Variants in PRPF3 observed in about 807,000 individuals in gnomAD.
PRPF3 encodes pre-mRNA processing factor 3.
Under a neutral mutation model 89.2 loss-of-function variants are expected in PRPF3, and 3 were observed. The observed-to-expected ratio is 0.03, with a 90% CI of 0.02 to 0.09. The LOEUF (loss-of-function observed/expected upper bound fraction) is 0.09. PRPF3 is among the 10% of genes least tolerant of loss of function. The pLI, the probability that PRPF3 is intolerant of heterozygous loss-of-function variation, is 1.00. For synonymous variants in PRPF3, 270 were observed against 289.1 expected (o/e 0.93, Z 0.67); for missense variants, 463 against 828.8 (o/e 0.56, Z 5.42).
chr1:150,331,349 A>AT (rs1295164226), intron 4 of PRPF3, among the ~76,000 whole-genome samples: 1 of 143,932 alleles, frequency 6.9e-6, no homozygotes, highest in Non-Finnish European at 1.5e-5. Context: ...GTAATTTTTA[A>AT]TTTTTTTATT....
rs781788315 is a variant in PRPF3 at position 150,322,717 on chromosome 1, T to C, written c.-49+1125T>C. ...TAGACTCTAGTATAGAGGCTAAACT[T>C]ACCAAGAATGTAGAAGTTAATCAGA... On this transcript the variant is annotated intron_variant, in intron 1 of 15. Coordinates refer to ENST00000324862, the MANE Select transcript of PRPF3 (RefSeq NM_004698.4). 1.2e-4 allele frequency among the ~76,000 whole-genome samples: 19 copies of C among 152,308 alleles called. 1 individual carries two copies. Among genetic ancestry groups the C allele is most frequent in the African/African-American group, 4.3e-4 (18 of 41,568 alleles).
chr1:150,344,527 G>A lies in PRPF3; in HGVS notation c.1620G>A (p.Gly540=), dbSNP rs1658087813. 1 of 1,613,812 alleles carries A rather than the reference G, an allele frequency of 6.2e-7. No individual in the cohort carries two copies. The highest frequency in any genetic ancestry group is 1.3e-5 in the African/African-American group (1 of 74,858). The change falls in exon 12 of 16, where the codon GGG becomes GGA. Residue 540 remains glycine, a synonymous_variant. Transcript: ENST00000324862. ...IKKLKEDISQ[G]VHISVYRVRN... The stretch of plus-strand genomic sequence containing the variant: ...AGCTTAAAGAAGACATTTCACAGGG[G>A]GTACACATATCTGTATATAGGTAGG...
chr1:150,337,046 T>TTTTC, intron 7 of PRPF3, among the ~76,000 whole-genome samples: 1 of 145,428 alleles, frequency 6.9e-6, no homozygotes, highest in East Asian at 2.0e-4. Context: ...ATTCCTTTTT[T>TTTTC]TTTTTTTTTT....
chr1:150,338,376 G>GTT (rs1177176700), intron 8 of PRPF3, 50 bp downstream of exon 8: 1 of 1,554,556 alleles, frequency 6.4e-7, no homozygotes, highest in African/African-American at 1.4e-5. Context: ...AATCAGCTGA[G>GTT]TTTAAGACTC....
chr1:150,334,796 T>C, intron 6 of PRPF3, 139 bp from the exon 7 acceptor site: 2 of 1,001,784 alleles, frequency 2.0e-6, no homozygotes, highest in East Asian at 2.6e-5. Context: ...CTTTAACTCC[T>C]GGGCTCAAGT....
At chr1:150,327,735 A>G (rs1388222597) in intron 3 of PRPF3, 21 of 600,658 alleles carry the variant, frequency 3.5e-5, no homozygotes, top group Admixed American at 6.3e-5. Flanking sequence ...ATTAGTCATC[A>G]TATTTGAGTT....
rs1553872881 is a variant in PRPF3, at chr1:150,346,120, G to T, written c.1743G>T (p.Val581=). The T allele has an allele frequency of 6.2e-7, 1 of 1,613,940 alleles. No individual in the cohort carries two copies. Among genetic ancestry groups the T allele is most frequent in the Admixed American group, 1.7e-5 (1 of 59,996 alleles). The change falls in exon 13 of 16, where the codon GTG becomes GTT. Residue 581 remains valine, a synonymous_variant. Transcript: ENST00000324862. Reference sequence around the variant, plus strand: ...TGGTACTGCACAAGGATGTCAACGTGGTAGTAGTGGAAGGGGGTGAGTCTG... The same window carrying T: ...TGGTACTGCACAAGGATGTCAACGTTGTAGTAGTGGAAGGGGGTGAGTCTG... ...GVVVLHKDVN[V]VVVEGGPKAQ...
chr1:150,327,722 C>A, intron 3 of PRPF3: 4 of 678,406 alleles, frequency 5.9e-6, no homozygotes, highest in Non-Finnish European at 7.3e-6. Flanking sequence ...ATTCACCTTG[C>A]AAATTAGTCA....
At chr1:150,331,484 C>T (rs587663551) in intron 4 of PRPF3, among the ~76,000 whole-genome samples, 7 of 152,254 alleles carry the variant, frequency 4.6e-5, no homozygotes, top group African/African-American at 1.7e-4. Context: ...CCTGCCTCAG[C>T]CTCCTGAGTA....
intron 11 of PRPF3, 58 bp from the exon 12 acceptor site, chr1:150,344,376 C>T: frequency 6.2e-7 from 1 of 1,614,108 alleles, no homozygotes; most frequent in Non-Finnish European, 8.5e-7. Context: ...TTTCCCTCAG[C>T]CCTGCCTCTG....
At chr1:150,342,426 C>T (rs1657850980) in intron 9 of PRPF3, among the ~76,000 whole-genome samples, 3 of 152,126 alleles carry the variant, frequency 2.0e-5, no homozygotes, top group South Asian at 4.1e-4. Context: ...AGCCATATTG[C>T]CGGGCACCAG....
intron 4 of PRPF3, among the ~76,000 whole-genome samples, chr1:150,331,070 C>T (rs1656317358): frequency 3.3e-5 from 5 of 151,944 alleles, no homozygotes; most frequent in Admixed American, 3.3e-4. Context: ...CTCGCTCTTG[C>T]ACTGTTGCCT....
chr1:150,342,422 A>G (rs1657850365), intron 9 of PRPF3, among the ~76,000 whole-genome samples: 1 of 152,140 alleles, frequency 6.6e-6, no homozygotes, highest in South Asian at 2.1e-4. Flanking sequence ...ACATAGCCAT[A>G]TTGCCGGGCA....
At chr1:150,348,040 C>T (rs781791613) in intron 14 of PRPF3, among the ~76,000 whole-genome samples, 2 of 152,124 alleles carry the variant, frequency 1.3e-5, no homozygotes, top group African/African-American at 2.4e-5. Flanking sequence ...CATCATACTC[C>T]CATTAGTGTT....
intron 1 of PRPF3, among the ~76,000 whole-genome samples, chr1:150,321,984 T>C (rs1263973698): frequency 5.9e-5 from 9 of 151,992 alleles, no homozygotes; most frequent in African/African-American, 1.9e-4. Flanking sequence ...GCCTGCTCAT[T>C]GAGAGGAGAG....
chr1:150,349,629 A>T (rs2102027149), intron 15 of PRPF3, among the ~76,000 whole-genome samples: 1 of 152,300 alleles, frequency 6.6e-6, no homozygotes, highest in Admixed American at 6.5e-5. Flanking sequence ...TAGCTGTGCA[A>T]TCTGGGCAAG....
At chr1:150,333,852 A>G (rs1553866464) in intron 6 of PRPF3, among the ~76,000 whole-genome samples, 1 of 152,146 alleles carries the variant, frequency 6.6e-6, no homozygotes, top group Non-Finnish European at 1.5e-5. Context: ...CTGGTCAAAG[A>G]TGTTACATTT....
intron 9 of PRPF3, among the ~76,000 whole-genome samples, chr1:150,342,708 A>C (rs1176748504): frequency 6.6e-6 from 1 of 152,006 alleles, no homozygotes; most frequent in Non-Finnish European, 1.5e-5. Context: ...TTTTTAGTGG[A>C]GTCAGGGTTT....
At chr1:150,348,677 G>A (rs1658579567) in intron 14 of PRPF3, 1 of 171,282 alleles carries the variant, frequency 5.8e-6, no homozygotes, top group African/African-American at 2.4e-5. Flanking sequence ...TGGCTAGGCT[G>A]GTCTCAAACT....
Sources: allele counts gnomAD v4.1 joint callset (sites outside exome capture counted in the v4.1 genomes callset), GRCh38; gene constraint gnomAD v4.1.1; transcripts MANE v1.5; gene names NCBI Gene and HGNC (gene_info 2026-07-23, HGNC 2026-07-21).